The following CACNA2D1 variants were observed in gnomAD, a reference collection of about 807,000 sequenced individuals.
The protein encoded by CACNA2D1 is voltage-dependent calcium channel subunit alpha-2/delta-1.
Under a neutral mutation model 171.5 loss-of-function variants are expected in CACNA2D1, and 53 were observed. That is an observed-to-expected ratio of 0.31 (90% CI 0.25 to 0.39). The LOEUF (loss-of-function observed/expected upper bound fraction) is 0.39. Ranked by LOEUF, CACNA2D1 falls within the 10% of genes least tolerant of loss-of-function variation. CACNA2D1 has a pLI of 1.00. For synonymous variants in CACNA2D1, 442 were observed against 443.1 expected (o/e 1.00, Z 0.03); for missense variants, 903 against 1,299.8 (o/e 0.69, Z 4.69).
intron 18 of CACNA2D1, among the ~76,000 whole-genome samples, chr7:81,997,835 T>G (rs1798203460): frequency 6.6e-6 from 1 of 151,964 alleles, no homozygotes; most frequent in Non-Finnish European, 1.5e-5. Context: ...TCAAATGACA[T>G]CAGAATGTAT....
At position 82,060,540 on chromosome 7, in the gene CACNA2D1, A is replaced by T. The variant is rs748114580; in HGVS notation, c.780-13T>A. 1 of 1,481,150 alleles carries T rather than the reference A, an allele frequency of 6.8e-7. No individual in the cohort carries two copies. 91.8% of individuals were successfully genotyped at this position (1,481,150 alleles called of 1,614,324 possible). A position where few individuals can be genotyped will look rare whatever the true frequency, so the allele number is the denominator to read the frequency against. On this transcript the variant is annotated splice_polypyrimidine_tract_variant and intron_variant, in intron 9 of 38. Coordinates refer to ENST00000356860, the MANE Select transcript of CACNA2D1 (RefSeq NM_000722.4). ...AACACTTCCACTCCTAGAAATAGACAAATGGGTCCATACATGTTACTCATC... is the reference window on the plus strand; with the variant it reads ...AACACTTCCACTCCTAGAAATAGACTAATGGGTCCATACATGTTACTCATC...
intron 3 of CACNA2D1, among the ~76,000 whole-genome samples, chr7:82,263,416 C>T (rs1807401200): frequency 6.6e-6 from 1 of 151,954 alleles, no homozygotes; most frequent in African/African-American, 2.4e-5. Flanking sequence ...TGGCTAAAAC[C>T]TTTATTGAAT....
At chr7:82,176,056 C>A (rs191452365) in intron 3 of CACNA2D1, among the ~76,000 whole-genome samples, 1 of 151,906 alleles carries the variant, frequency 6.6e-6, no homozygotes, top group Non-Finnish European at 1.5e-5. Context: ...CAGCTCAGTT[C>A]AGTAAAATAA....
At chr7:82,160,279 T>C (rs1794815786) in intron 4 of CACNA2D1, among the ~76,000 whole-genome samples, 1 of 151,912 alleles carries the variant, frequency 6.6e-6, no homozygotes, top group Admixed American at 6.6e-5. Context: ...ACAACTCAGA[T>C]TAGAGCATTC....
In CACNA2D1 at chr7:81,974,701, A is replaced by G. The variant is rs565641861; in HGVS notation, c.1956-149T>C. On this transcript the variant is annotated intron_variant, in intron 24 of 38. Transcript: ENST00000356860. ...TTGTTACTTCCATTTCCTCACTTCT[A>G]TAATGGACCAATACTTTACCAGTAA... is the stretch of plus-strand genomic sequence containing the variant. 2.9e-4 allele frequency: 172 copies of G among 584,034 alleles called. 1 individual carries two copies. The highest frequency in any genetic ancestry group is 5.0e-4 in the Non-Finnish European group (162 of 327,260). The allele number at this position is 584,034 out of a possible 1,614,324, so 36.2% of individuals were successfully genotyped here.
intron 3 of CACNA2D1, among the ~76,000 whole-genome samples, chr7:82,196,025 A>G (rs1387109270): frequency 6.6e-6 from 1 of 151,376 alleles, no homozygotes; most frequent in African/African-American, 2.4e-5. Context: ...CCAGCTACTC[A>G]GTGAGCCTGT....
chr7:82,339,874 T>C (rs1818414144), intron 2 of CACNA2D1, among the ~76,000 whole-genome samples: 1 of 152,184 alleles, frequency 6.6e-6, no homozygotes, highest in African/African-American at 2.4e-5. Flanking sequence ...CAGATGGAAT[T>C]AAATTTACTA....
chr7:82,367,850 T>C (rs1821918446), intron 1 of CACNA2D1, among the ~76,000 whole-genome samples: 1 of 152,098 alleles, frequency 6.6e-6, no homozygotes, highest in Admixed American at 6.6e-5. Context: ...GTAAAAATAA[T>C]CTTAGCTGAC....
At position 82,012,156 on chromosome 7, in the gene CACNA2D1, A is replaced by G. The variant is rs1389431920; in HGVS notation, c.1360T>C (p.Leu454=). The change falls in exon 15 of 39, where the codon TTG becomes CTG. Residue 454 remains leucine, a splice_region_variant and synonymous_variant. Coordinates refer to ENST00000356860, the MANE Select transcript of CACNA2D1 (RefSeq NM_000722.4). ...VQWTNVYLDA[L]ELGLVITGTL... is the part of the protein sequence containing the mutation. The stretch of plus-strand genomic sequence containing the variant: ...GACTGAATAGCTCAACCTCTTACCA[A>G]TGCATCCAGGTACACATTTGTCCAT... 2.6e-6 allele frequency: 4 copies of G among 1,564,816 alleles called. No individual in the cohort carries two copies. In the African/African-American group the frequency reaches 4.1e-5, roughly 16 times the overall value.
chr7:82,372,151 A>C (rs949741806), intron 1 of CACNA2D1, among the ~76,000 whole-genome samples: 1 of 152,158 alleles, frequency 6.6e-6, no homozygotes, highest in African/African-American at 2.4e-5. Flanking sequence ...CTAAACTTCA[A>C]TTTCATATAC....
chr7:82,099,265 A>C (rs1296931541), intron 6 of CACNA2D1, among the ~76,000 whole-genome samples: 4 of 152,120 alleles, frequency 2.6e-5, no homozygotes, highest in Non-Finnish European at 5.9e-5. Flanking sequence ...CTGAGACATC[A>C]GTCTTCAATT....
rs754162606 is a variant in CACNA2D1, at chr7:82,060,490, G to A, written c.817C>T (p.Arg273Ter). The A allele has an allele frequency of 6.2e-7, 1 of 1,609,394 alleles. No homozygotes were observed. Among genetic ancestry groups the A allele is most frequent in the Non-Finnish European group, 8.5e-7 (1 of 1,177,878 alleles). ...SVSGLTLKLI[R>*]TSVSEMLETL... ...TCTAACATTTCGGAGACAGATGTTC[G>A]GATCAGTTTAAGTGTCAATCCACTA... The change falls in exon 10 of 39, where the codon CGA becomes TGA. Residue 273 changes from arginine (R) to a stop codon, truncating the protein, a stop_gained. Coordinates refer to ENST00000356860, the MANE Select transcript of CACNA2D1 (RefSeq NM_000722.4). LOFTEE classifies it high-confidence loss of function.
intron 3 of CACNA2D1, among the ~76,000 whole-genome samples, chr7:82,332,373 T>C (rs992975663): frequency 1.3e-5 from 2 of 152,128 alleles, no homozygotes; most frequent in Non-Finnish European, 2.9e-5. Flanking sequence ...TTATTTTCAA[T>C]GAAATGTTTC....
At chr7:82,098,127 C>G (rs1812149697) in intron 6 of CACNA2D1, among the ~76,000 whole-genome samples, 1 of 151,338 alleles carries the variant, frequency 6.6e-6, no homozygotes, top group African/African-American at 2.4e-5. Context: ...AAGACTTCGT[C>G]TAAAAAATAA....
At chr7:82,412,341 G>A (rs1386968208) in intron 1 of CACNA2D1, among the ~76,000 whole-genome samples, 1 of 139,762 alleles carries the variant, frequency 7.2e-6, no homozygotes, top group Non-Finnish European at 1.5e-5. Context: ...GGAGTGCAAA[G>A]ACACAACCTC....
chr7:82,411,955 A>G (rs1827718533), intron 1 of CACNA2D1, among the ~76,000 whole-genome samples: 1 of 151,694 alleles, frequency 6.6e-6, no homozygotes, highest in Non-Finnish European at 1.5e-5. Context: ...GCAAATCCCC[A>G]AAAAACCCTC....
chr7:82,110,955 G>T (rs1233901906), intron 6 of CACNA2D1, among the ~76,000 whole-genome samples: 3 of 151,892 alleles, frequency 2.0e-5, no homozygotes, highest in Non-Finnish European at 4.4e-5. Context: ...TAGAATGCAG[G>T]CTCCATGAGT....
intron 38 of CACNA2D1, among the ~76,000 whole-genome samples, chr7:81,954,542 C>T (rs1291724802): frequency 1.3e-5 from 2 of 152,188 alleles, no homozygotes; most frequent in South Asian, 2.1e-4. Flanking sequence ...TGTTGCTAAA[C>T]TCTTACTCTG....
At chr7:82,334,764 C>T (rs1490073663) in intron 3 of CACNA2D1, among the ~76,000 whole-genome samples, 2 of 151,938 alleles carry the variant, frequency 1.3e-5, no homozygotes, top group East Asian at 1.9e-4. Context: ...GACTATACAA[C>T]TAAAGAGGAT....
Sources: gnomAD v4.1 joint callset for allele counts (sites outside exome capture counted in the v4.1 genomes callset) on GRCh38, gnomAD v4.1.1 for gene constraint, MANE v1.5 for transcripts, NCBI Gene and HGNC (gene_info 2026-07-23, HGNC 2026-07-21) for gene names.